NCOR2: variants seen among roughly 807,000 people sequenced by gnomAD.
NCOR2 encodes the protein CTG repeat protein 26.
NCOR2 carries 81 observed loss-of-function variants against 262.9 expected under a neutral mutation model. The observed-to-expected ratio is 0.31, with a 90% CI of 0.26 to 0.37. The LOEUF (loss-of-function observed/expected upper bound fraction) is 0.37. Ranked by LOEUF, NCOR2 falls within the 10% of genes least tolerant of loss-of-function variation. NCOR2 has a pLI of 1.00. For synonymous variants in NCOR2, 1,659 were observed against 1,559.3 expected (o/e 1.06, Z -1.51); for missense variants, 3,385 against 3,621.4 (o/e 0.93, Z 1.68).
chr12:124,408,811 T>C (rs1022492744), intron 13 of NCOR2, among the ~76,000 whole-genome samples: 8 of 152,204 alleles, frequency 5.3e-5, no homozygotes, highest in Admixed American at 3.3e-4. Context: ...CCAAGGGCAT[T>C]GCTTCCTGAT....
rs536632494 is a variant in NCOR2, at chr12:124,389,370, G to A, written c.1877-3483C>T. Among the ~76,000 whole-genome samples, 3 of 152,342 alleles carry A rather than the reference G, an allele frequency of 2.0e-5. No homozygotes were observed. The highest frequency in any genetic ancestry group is 3.9e-4 in the East Asian group (2 of 5,184). On this transcript the variant is annotated intron_variant, in intron 16 of 46. Transcript: ENST00000405201. The surrounding 1 kb of genome is among the most constrained non-coding windows in gnomAD (Gnocchi z 4.4). ...GCTCGCGGCGGGCGGGCAGGCGGGC[G>A]GGGGAGCGTGGCAGAGGCCCAGGTT...
rs1300610236 is a variant in NCOR2 at position 124,454,441 on chromosome 12, T to C, written c.762+2665A>G. 6.6e-6 allele frequency among the ~76,000 whole-genome samples: 1 copy of C among 152,174 alleles called. No individual in the cohort carries two copies. The highest frequency in any genetic ancestry group is 2.4e-5 in the African/African-American group (1 of 41,438). On this transcript the variant is annotated intron_variant, in intron 6 of 46. Transcript: ENST00000405201. This position sits in a 1 kb window ranked among gnomAD's most constrained non-coding sequence, Gnocchi z 5.6. ...CAGAGAAGACTCACTGTGGGGTCCC[T>C]GGTTCCAAAGCTTCTGACACCAGCA...
At chr12:124,438,249 C>A (rs368695807) in intron 7 of NCOR2, among the ~76,000 whole-genome samples, 1 of 152,146 alleles carries the variant, frequency 6.6e-6, no homozygotes, top group African/African-American at 2.4e-5. Flanking sequence ...TTCCCAGAGC[C>A]GAGGGGCCTG....
upstream of NCOR2, among the ~76,000 whole-genome samples, chr12:124,498,442 C>A (rs546346194): frequency 1.3e-5 from 2 of 152,212 alleles, no homozygotes; most frequent in Non-Finnish European, 2.9e-5. Flanking sequence ...ACCAGCCCCC[C>A]ACCCAGCGCC....
intron 28 of NCOR2, chr12:124,348,628 T>C (rs1403904917): frequency 4.8e-6 from 2 of 418,556 alleles, no homozygotes; most frequent in Non-Finnish European, 4.3e-6. Flanking sequence ...CATGAGCACG[T>C]GAGTCTGTGT....
chr12:124,384,610 G>A (rs949065599), intron 17 of NCOR2, among the ~76,000 whole-genome samples: 60 of 152,168 alleles, frequency 3.9e-4, no homozygotes, highest in African/African-American at 1.4e-3. Context: ...CTTAAATTCT[G>A]CACAGTGCTT....
exon 33 of NCOR2, chr12:124,343,115 G>A (rs767880178): frequency 6.2e-6 from 10 of 1,612,390 alleles, no homozygotes; most frequent in African/African-American, 5.3e-5. Flanking sequence ...CTCATAGGGC[G>A]AGATGGGGTG....
chr12:124,502,219 G>T (rs981375900), intron 1 of NCOR2, among the ~76,000 whole-genome samples: 1 of 152,238 alleles, frequency 6.6e-6, no homozygotes, highest in Admixed American at 6.5e-5. Context: ...AATGAGGAAG[G>T]GGGTGAAGAG....
intron 1 of NCOR2, among the ~76,000 whole-genome samples, chr12:124,500,834 C>T (rs1245904127): frequency 6.6e-6 from 1 of 151,954 alleles, no homozygotes; most frequent in African/African-American, 2.4e-5. Context: ...GAGGGGCAGG[C>T]GGGGGCTGGT....
chr12:124,361,123 A>G (rs1234915289), intron 22 of NCOR2, among the ~76,000 whole-genome samples: 1 of 6,678 alleles, frequency 1.5e-4, no homozygotes, highest in South Asian at 5.7e-3. Context: ...CGTCTCAAAC[A>G]AAAAAAAAAA....
intron 14 of NCOR2, among the ~76,000 whole-genome samples, chr12:124,401,210 CAAA>C (rs34583413): frequency 5.3e-5 from 7 of 133,196 alleles, no homozygotes; most frequent in African/African-American, 5.9e-5. Context: ...GACCCTGTCT[CAAA>C]AAAAAAAAAA....
upstream of NCOR2, among the ~76,000 whole-genome samples, chr12:124,535,767 G>A (rs143626512): frequency 3.3e-5 from 5 of 152,352 alleles, no homozygotes; most frequent in African/African-American, 9.6e-5. Context: ...CTGTGAGGCA[G>A]GTACTGCTAC....
At chr12:124,439,363 ACCCGGAGACAGAGG>A (rs1565945704) in intron 7 of NCOR2, among the ~76,000 whole-genome samples, 7,913 of 144,920 alleles carry the variant, frequency 0.055, 8 homozygotes, top group Admixed American at 0.074. Context: ...GGAGACAGAG[ACCCGGAGACAGAGG>A]GAGACAGAGA....
At chr12:124,409,141 G>A (rs1011538882) in intron 13 of NCOR2, among the ~76,000 whole-genome samples, 12 of 152,218 alleles carry the variant, frequency 7.9e-5, no homozygotes, top group Non-Finnish European at 1.3e-4. Flanking sequence ...AGCCTGTTCC[G>A]CCTGTACAGA....
Position 124,347,671 on chromosome 12 carries a change from T to C in NCOR2, c.4072+154A>G, listed in dbSNP as rs2037050737. Reference sequence around the variant, plus strand: ...ATAAGTAAGAGACACCCTTGCTCCGTAGCTCACGTACTGATCATGTACATG... The same window carrying C: ...ATAAGTAAGAGACACCCTTGCTCCGCAGCTCACGTACTGATCATGTACATG... On this transcript the variant is annotated intron_variant, in intron 30 of 46. Transcript: ENST00000405201. 4 of 694,416 alleles carry C rather than the reference T, an allele frequency of 5.8e-6. No homozygotes were observed. The East Asian group carries it at 8.2e-5, about 14-fold the overall frequency. 43.0% of individuals were successfully genotyped at this position (694,416 alleles called of 1,614,324 possible).
intron 1 of NCOR2, among the ~76,000 whole-genome samples, chr12:124,556,894 C>T (rs1224254411): frequency 6.6e-6 from 1 of 151,178 alleles, no homozygotes; most frequent in Admixed American, 6.6e-5. Context: ...AGGAATGAGA[C>T]GAGGCCTGCG....
At chr12:124,475,165 G>A (rs746410150) in intron 3 of NCOR2, among the ~76,000 whole-genome samples, 14 of 152,042 alleles carry the variant, frequency 9.2e-5, no homozygotes, top group East Asian at 1.9e-4. Flanking sequence ...TGGACAACCC[G>A]GTGCTCCCTC....
rs57112035 is a variant in NCOR2 at position 124,533,931 on chromosome 12, AT to A, written c.-118+1633del. 3.0e-3 allele frequency among the ~76,000 whole-genome samples: 426 copies of A among 142,214 alleles called. 1 individual carries two copies. The highest frequency in any genetic ancestry group is 4.4e-3 in the African/African-American group (165 of 37,870). 93.3% of individuals were successfully genotyped at this position (142,214 alleles called of 152,430 possible). A position where few individuals can be genotyped will look rare whatever the true frequency, so the allele number is the denominator to read the frequency against. On this transcript the variant is annotated intron_variant, in intron 1 of 46. Coordinates refer to the NCOR2 transcript ENST00000404621. ...GAAAACATTATGAGACCTTTTTGTG[AT>A]TTTTTTTTTTTTTTTAGTTCATCAG...
chr12:124,371,953 T>G, intron 20 of NCOR2, 69 bp downstream of exon 22: 1 of 1,457,366 alleles, frequency 6.9e-7, no homozygotes, highest in Non-Finnish European at 9.2e-7. Context: ...TGCGGCTGTC[T>G]AAGTAGGTAG....
Sources: gnomAD v4.1 joint callset for allele counts (sites outside exome capture counted in the v4.1 genomes callset) on GRCh38, gnomAD v4.1.1 for gene constraint, Gnocchi (gnomAD v3.1) non-coding constraint, MANE v1.5 for transcripts, NCBI Gene and HGNC (gene_info 2026-07-23, HGNC 2026-07-21) for gene names.